GABRB1: variants seen among roughly 807,000 people sequenced by gnomAD.
The protein encoded by GABRB1 is gamma-aminobutyric acid receptor subunit beta-1.
GABRB1 carries 17 observed loss-of-function variants against 51.6 expected under a neutral mutation model. The ratio of observed to expected loss-of-function variants is 0.33; its 90% CI spans 0.23 to 0.49. The LOEUF (loss-of-function observed/expected upper bound fraction) is 0.49, where lower values mean the gene tolerates loss of function less well. Among genes scored for constraint, GABRB1 ranks in the 20% least tolerant of loss-of-function variants. The probability of loss-of-function intolerance (pLI) is 0.99; values close to 1 mark genes in which losing one functional copy is unlikely to be tolerated. For missense variants in GABRB1, 410 were observed against 600.6 expected (o/e 0.68, Z 3.32); for synonymous variants, 247 against 218.9 (o/e 1.13, Z -1.14).
At chr4:47,345,812 GA>G (rs1307898776) in intron 5 of GABRB1, among the ~76,000 whole-genome samples, 1 of 151,870 alleles carries the variant, frequency 6.6e-6, no homozygotes. Context: ...ATCCCAAAGG[GA>G]AAAAAAGACC....
At chr4:47,214,576 T>C (rs979042478) in intron 4 of GABRB1, among the ~76,000 whole-genome samples, 2 of 152,206 alleles carry the variant, frequency 1.3e-5, no homozygotes, top group Admixed American at 6.5e-5. Context: ...TGAACTTCAA[T>C]TGTATTTTCA....
chr4:47,281,073 C>G (rs888641024), intron 4 of GABRB1, among the ~76,000 whole-genome samples: 2 of 152,004 alleles, frequency 1.3e-5, no homozygotes, highest in Non-Finnish European at 2.9e-5. Flanking sequence ...AGCTTCTGCA[C>G]AGCAAAGTAA....
intron 4 of GABRB1, among the ~76,000 whole-genome samples, chr4:47,208,017 T>C (rs1386589918): frequency 6.6e-6 from 1 of 152,018 alleles, no homozygotes; most frequent in Non-Finnish European, 1.5e-5. Context: ...AAAAAAATGA[T>C]TTTTCTGACT....
intron 3 of GABRB1, among the ~76,000 whole-genome samples, chr4:47,060,069 C>G (rs1726782714): frequency 6.6e-6 from 1 of 152,200 alleles, no homozygotes; most frequent in Admixed American, 6.5e-5. Flanking sequence ...AATAAATACA[C>G]TTGAATGACA....
At chr4:47,007,866 G>GTATGTATATATATATATATATA (rs1724453435) in intron 1 of GABRB1, among the ~76,000 whole-genome samples, 1 of 49,980 alleles carries the variant, frequency 2.0e-5, no homozygotes, top group African/African-American at 7.9e-5. Context: ...CTTGGAACTG[G>GTATGTATATATATATATATATA]TATATATATA....
chr4:47,203,652 G>A (rs543074506), intron 4 of GABRB1, among the ~76,000 whole-genome samples: 36 of 152,120 alleles, frequency 2.4e-4, no homozygotes, highest in African/African-American at 8.7e-4. Context: ...CTGCTTGCTG[G>A]TGGCAACCCT....
chr4:47,125,777 A>T lies in GABRB1; in HGVS notation c.241-35472A>T, dbSNP rs545245798. On this transcript the variant is annotated intron_variant, in intron 3 of 8. Coordinates refer to ENST00000295454, the MANE Select transcript of GABRB1 (RefSeq NM_000812.4). ...TCACCGTTTTAGCCGGGATGGTCTCAATCTCCTGACCTCGTGATCCGCCCG... is the reference window on the plus strand; with the variant it reads ...TCACCGTTTTAGCCGGGATGGTCTCTATCTCCTGACCTCGTGATCCGCCCG... 6.1e-5 allele frequency among the ~76,000 whole-genome samples: 9 copies of T among 148,130 alleles called. No homozygotes were observed. In the East Asian group the frequency reaches 1.8e-3, roughly 29 times the overall value.
At chr4:47,063,550 A>G (rs1247428619) in intron 3 of GABRB1, among the ~76,000 whole-genome samples, 2 of 152,192 alleles carry the variant, frequency 1.3e-5, no homozygotes, top group Non-Finnish European at 2.9e-5. Flanking sequence ...CATGATGCCA[A>G]CAAGGACACT....
chr4:47,328,086 T>A (rs532978932), intron 5 of GABRB1, among the ~76,000 whole-genome samples: 1 of 152,334 alleles, frequency 6.6e-6, no homozygotes, highest in East Asian at 1.9e-4. Context: ...TTTTCATGTG[T>A]CTTTTGGCTG....
At chr4:47,285,689 A>T (rs1490035159) in intron 4 of GABRB1, among the ~76,000 whole-genome samples, 1 of 152,196 alleles carries the variant, frequency 6.6e-6, no homozygotes, top group Non-Finnish European at 1.5e-5. Flanking sequence ...GACATTGGCC[A>T]GTTTGATAGA....
chr4:47,308,217 T>C (rs1368548720), intron 4 of GABRB1, among the ~76,000 whole-genome samples: 1 of 152,054 alleles, frequency 6.6e-6, no homozygotes, highest in African/African-American at 2.4e-5. Context: ...AGGCATCTGA[T>C]ATTAAGATTC....
intron 4 of GABRB1, among the ~76,000 whole-genome samples, chr4:47,270,872 A>G (rs1000481246): frequency 6.6e-6 from 1 of 152,188 alleles, no homozygotes; most frequent in Non-Finnish European, 1.5e-5. Context: ...TAGCATACGA[A>G]CACAAATTAA....
At position 47,160,958 on chromosome 4, in the gene GABRB1, A is replaced by T. The variant is rs546645402; in HGVS notation, c.241-291A>T. Reference sequence around the variant, plus strand: ...TGTACCACCACACCAAACTAACTTTAAAAAAATTATTTTTTGTAGAGATGA... The same window carrying T: ...TGTACCACCACACCAAACTAACTTTTAAAAAATTATTTTTTGTAGAGATGA... On this transcript the variant is annotated intron_variant, in intron 3 of 8. Transcript: ENST00000295454. Among the ~76,000 whole-genome samples, 29 of 151,750 alleles carry T rather than the reference A, an allele frequency of 1.9e-4. No individual in the cohort carries two copies. In the East Asian group the frequency reaches 5.3e-3, roughly 28 times the overall value.
chr4:47,286,240 C>T (rs1392642052), intron 4 of GABRB1, among the ~76,000 whole-genome samples: 1 of 152,174 alleles, frequency 6.6e-6, no homozygotes, highest in East Asian at 1.9e-4. Context: ...GTTACAACTT[C>T]CCTGAAGCCT....
In GABRB1 at chr4:47,266,644, T is replaced by G. The variant is rs948152468; in HGVS notation, c.462-53483T>G. Among the ~76,000 whole-genome samples the G allele has an allele frequency of 1.1e-4, 17 of 152,344 alleles. 2 individuals are homozygous for G. Among genetic ancestry groups the G allele is most frequent in the Admixed American group, 7.2e-4 (11 of 15,298 alleles). On this transcript the variant is annotated intron_variant, in intron 4 of 8. Coordinates refer to ENST00000295454, the MANE Select transcript of GABRB1 (RefSeq NM_000812.4). ...ATTTCACTGTGGTCTGAAAAGATATTCAATATGATTTCAATTTGTTGAAAT... is the reference window on the plus strand; with the variant it reads ...ATTTCACTGTGGTCTGAAAAGATATGCAATATGATTTCAATTTGTTGAAAT...
At chr4:47,232,439 A>T (rs1381277578) in intron 4 of GABRB1, among the ~76,000 whole-genome samples, 3 of 152,140 alleles carry the variant, frequency 2.0e-5, no homozygotes, top group African/African-American at 7.2e-5. Context: ...TTCAAATGTT[A>T]ATCTTTTCCT....
chr4:47,100,021 A>G (rs1177108400), intron 3 of GABRB1, among the ~76,000 whole-genome samples: 1 of 152,038 alleles, frequency 6.6e-6, no homozygotes, highest in Non-Finnish European at 1.5e-5. Flanking sequence ...ATAAAGAAAA[A>G]AAGATTGTGT....
intron 5 of GABRB1, among the ~76,000 whole-genome samples, chr4:47,354,994 T>TTTTTTG (rs1560348644): frequency 7.3e-6 from 1 of 137,888 alleles, no homozygotes; most frequent in African/African-American, 2.8e-5. Context: ...TTTTTTTTTT[T>TTTTTTG]TTTTTTTTTT....
At chr4:47,377,180 G>T (rs1360747737) in intron 5 of GABRB1, among the ~76,000 whole-genome samples, 1 of 152,144 alleles carries the variant, frequency 6.6e-6, no homozygotes, top group Non-Finnish European at 1.5e-5. Flanking sequence ...TTTTGCTCTT[G>T]TTGCCCAGGC....
Sources: allele counts gnomAD v4.1 joint callset (sites outside exome capture counted in the v4.1 genomes callset), GRCh38; gene constraint gnomAD v4.1.1; transcripts MANE v1.5; gene names NCBI Gene and HGNC (gene_info 2026-07-23, HGNC 2026-07-21).